FGF13: variants seen among roughly 807,000 people sequenced by gnomAD.
FGF13 encodes the protein fibroblast growth factor homologous factor 2.
A neutral mutation model predicts 19.5 loss-of-function variants in FGF13; 2 were observed. The observed-to-expected ratio is 0.10, with a 90% CI of 0.04 to 0.32. The LOEUF (loss-of-function observed/expected upper bound fraction) is 0.32, where lower values mean the gene tolerates loss of function less well. Among genes scored for constraint, FGF13 ranks in the 10% least tolerant of loss-of-function variants. The probability of loss-of-function intolerance (pLI) is 1.00; values close to 1 mark genes in which losing one functional copy is unlikely to be tolerated. For missense variants in FGF13, 113 were observed against 192.7 expected (o/e 0.59, Z 2.45); for synonymous variants, 72 against 76.9 (o/e 0.94, Z 0.33).
chrX:138,960,815 G>C (rs2091865642), intron 1 of FGF13, among the ~76,000 whole-genome samples: 1 of 111,516 alleles, frequency 9.0e-6, no homozygotes, highest in Admixed American at 9.5e-5. Context: ...ACTGAAGCTT[G>C]TGCATGCATC....
At chrX:138,687,284 C>T (rs1020115884) in intron 3 of FGF13, among the ~76,000 whole-genome samples, 11 of 111,345 alleles carry the variant, frequency 9.9e-5, no homozygotes, top group Non-Finnish European at 2.1e-4. Flanking sequence ...ATAATGAACA[C>T]AACTCAATAG....
At chrX:139,026,990 G>A (rs1359141854) in intron 1 of FGF13, among the ~76,000 whole-genome samples, 2 of 112,116 alleles carry the variant, frequency 1.8e-5, no homozygotes, top group Non-Finnish European at 3.8e-5. Flanking sequence ...CACCATGGGA[G>A]TTTGTGAATA....
intron 1 of FGF13, among the ~76,000 whole-genome samples, chrX:138,899,949 T>G (rs2091523499): frequency 9.0e-6 from 1 of 111,224 alleles, no homozygotes; most frequent in African/African-American, 3.3e-5. Context: ...TATGAATATG[T>G]AAGTGTCTAT....
At chrX:139,105,524 C>T (rs1482619862) in intron 1 of FGF13, among the ~76,000 whole-genome samples, 7 of 111,785 alleles carry the variant, frequency 6.3e-5, no homozygotes, top group Non-Finnish European at 5.6e-5. Flanking sequence ...AACCATCACA[C>T]TGGTATTTGG....
At chrX:138,839,294 A>T (rs759673853) in intron 3 of FGF13, among the ~76,000 whole-genome samples, 1 of 110,751 alleles carries the variant, frequency 9.0e-6, no homozygotes, top group South Asian at 3.9e-4. Context: ...ATAAATCATT[A>T]AAAAAAAATT....
chrX:138,952,781 A>C (rs1474285581), intron 1 of FGF13, among the ~76,000 whole-genome samples: 3 of 111,672 alleles, frequency 2.7e-5, no homozygotes, highest in East Asian at 5.7e-4. Flanking sequence ...ATGAACAGAC[A>C]CTTCTCAAAA....
rs1164467305 is a variant in FGF13, at chrX:138,619,636, C to T, written c.*13214G>A. 1 of 109,934 alleles carries T rather than the reference C, an allele frequency of 9.1e-6. No individual in the cohort carries two copies. The highest frequency in any genetic ancestry group is 1.9e-5 in the Non-Finnish European group (1 of 52,681). 9.1% of individuals were successfully genotyped at this position (109,934 alleles called of 1,213,427 possible). A position where few individuals can be genotyped will look rare whatever the true frequency, so the allele number is the denominator to read the frequency against. ...AGCAAATATACAAGAAAAAAAAAAC[C>T]GCATCAAAAAGTGGGCAAAGGACAT... On this transcript the variant is annotated 3_prime_UTR_variant, in exon 5 of 5. Coordinates refer to ENST00000315930, the MANE Select transcript of FGF13 (RefSeq NM_004114.5).
chrX:139,173,491 T>C lies in FGF13; in HGVS notation c.-113+29925A>G, dbSNP rs184951510. 1.8e-3 allele frequency among the ~76,000 whole-genome samples: 202 copies of C among 110,657 alleles called. 3 individuals carry two copies. The highest frequency in any genetic ancestry group is 6.3e-3 in the African/African-American group (192 of 30,407). ...ACGGGTATATACGTGCCATGGTGGT[T>C]AGCTGCACCCATCAACCCGTCATCT... On this transcript the variant is annotated intron_variant, in intron 1 of 2. Coordinates refer to the FGF13 transcript ENST00000421460.
intron 3 of FGF13, among the ~76,000 whole-genome samples, chrX:138,764,721 A>G (rs367859303): frequency 1.8e-5 from 2 of 112,136 alleles, no homozygotes; most frequent in African/African-American, 6.5e-5. Context: ...CTAAAATATT[A>G]AGTACTTACT....
chrX:139,145,950 C>A (rs1371953749), intron 1 of FGF13, among the ~76,000 whole-genome samples: 2 of 111,677 alleles, frequency 1.8e-5, no homozygotes, highest in Admixed American at 9.5e-5. Context: ...TTTCCTTACA[C>A]CTTATACAAA....
At chrX:139,130,001 G>A (rs1440472050) in intron 1 of FGF13, among the ~76,000 whole-genome samples, 2 of 112,086 alleles carry the variant, frequency 1.8e-5, no homozygotes, top group Non-Finnish European at 3.8e-5. Flanking sequence ...TTTATGAAGC[G>A]GGGACAGTAG....
chrX:138,875,479 AATGACATGCG>A (rs1364099308), intron 1 of FGF13, among the ~76,000 whole-genome samples: 1 of 111,871 alleles, frequency 8.9e-6, no homozygotes, highest in Non-Finnish European at 1.9e-5. Context: ...TGTTAGGGGA[AATGACATGCG>A]ATTACTGAAG....
intron 3 of FGF13, chrX:138,806,572 T>C (rs1470324427): frequency 8.9e-6 from 1 of 112,177 alleles, no homozygotes. Context: ...ATGAATGATA[T>C]CTTGGAGAAA....
In FGF13 at chrX:138,632,466, T is replaced by A. The variant is rs774432491; in HGVS notation, c.*384A>T. On this transcript the variant is annotated 3_prime_UTR_variant, in exon 5 of 5. Coordinates refer to ENST00000315930, the MANE Select transcript of FGF13 (RefSeq NM_004114.5). ...TTAAGCAGTTAATTTTGTTTTGTTT[T>A]GTTTTGTTTGTTTTTGAAGAACAAT... is the stretch of plus-strand genomic sequence containing the variant. 8.7e-6 allele frequency: 1 copy of A among 115,446 alleles called. No individual in the cohort carries two copies. Among genetic ancestry groups the A allele is most frequent in the East Asian group, 2.7e-4 (1 of 3,701 alleles). The allele number at this position is 115,446 out of a possible 1,213,427, so 9.5% of individuals were successfully genotyped here. A position where few individuals can be genotyped will look rare whatever the true frequency, so the allele number is the denominator to read the frequency against.
intron 3 of FGF13, among the ~76,000 whole-genome samples, chrX:138,760,057 T>C (rs1414587548): frequency 9.0e-6 from 1 of 111,291 alleles, no homozygotes; most frequent in Non-Finnish European, 1.9e-5. Context: ...GGGGAGATGA[T>C]TGTTACAATG....
intron 3 of FGF13, among the ~76,000 whole-genome samples, chrX:138,826,870 C>T (rs1406626316): frequency 1.8e-5 from 2 of 112,083 alleles, no homozygotes; most frequent in Non-Finnish European, 3.8e-5. Context: ...AGCTACATAC[C>T]TTAAGTAACT....
At chrX:138,809,432 G>C (rs1361903714) in intron 3 of FGF13, among the ~76,000 whole-genome samples, 1 of 111,475 alleles carries the variant, frequency 9.0e-6, no homozygotes, top group Non-Finnish European at 1.9e-5. Flanking sequence ...ATTAGGTATT[G>C]ATAGAACATA....
At chrX:138,867,851 C>T (rs1422983419) in intron 1 of FGF13, among the ~76,000 whole-genome samples, 1 of 107,403 alleles carries the variant, frequency 9.3e-6, no homozygotes, top group Non-Finnish European at 1.9e-5. Flanking sequence ...TATCTATCCT[C>T]CCTAAGTAGT....
intron 3 of FGF13, among the ~76,000 whole-genome samples, chrX:138,827,941 G>C (rs2091044858): frequency 8.9e-6 from 1 of 111,822 alleles, no homozygotes; most frequent in Non-Finnish European, 1.9e-5. Context: ...ATAAGTGGCA[G>C]AGGTGGGGTT....
Sources: allele counts gnomAD v4.1 joint callset (sites outside exome capture counted in the v4.1 genomes callset), GRCh38; gene constraint gnomAD v4.1.1; transcripts MANE v1.5; gene names NCBI Gene and HGNC (gene_info 2026-07-23, HGNC 2026-07-21).